KLF15: variants seen among roughly 807,000 people sequenced by gnomAD.
KLF15 encodes Krueppel-like factor 15.
Under a neutral mutation model 24.6 loss-of-function variants are expected in KLF15, and 4 were observed. That is an observed-to-expected ratio of 0.16 (90% CI 0.08 to 0.37). The LOEUF (loss-of-function observed/expected upper bound fraction) is 0.37, where lower values mean the gene tolerates loss of function less well. Ranked by LOEUF, KLF15 falls within the 10% of genes least tolerant of loss-of-function variation. The probability of loss-of-function intolerance (pLI) is 1.00; values close to 1 mark genes in which losing one functional copy is unlikely to be tolerated. For synonymous variants in KLF15, 246 were observed against 236.3 expected, an observed-to-expected ratio of 1.04 and a Z score of -0.37; for missense variants, 496 against 560.6, an observed-to-expected ratio of 0.88 and a Z score of 1.16.
chr3:126,292,380 C>T, the KLF15 span, among the ~76,000 whole-genome samples: 302 of 152,334 alleles, frequency 2.0e-3, no homozygotes, highest in African/African-American at 7.1e-3. Flanking sequence ...CCAGAAAACC[C>T]CTGGGCCATC....
the KLF15 span, among the ~76,000 whole-genome samples, chr3:126,294,864 TACACAC>T: frequency 0.13 from 17,916 of 141,878 alleles, 1,210 homozygotes; most frequent in Admixed American, 0.23. Context: ...TGCCCCTCCA[TACACAC>T]ACACACACAC....
chr3:126,294,744 G>C, the KLF15 span, among the ~76,000 whole-genome samples: 1 of 151,982 alleles, frequency 6.6e-6, no homozygotes. Flanking sequence ...AGAAAATCGG[G>C]TTCCTTCTTT....
At chr3:126,342,038 C>T (rs149283023), downstream of KLF15, among the ~76,000 whole-genome samples, 162 of 152,288 alleles carry the variant, frequency 1.1e-3, no homozygotes, top group African/African-American at 3.7e-3. Context: ...ATGGGTCCAA[C>T]CTCAACTGTG....
At chr3:126,345,974 A>T (rs2107552307) in intron 2 of KLF15, among the ~76,000 whole-genome samples, 1 of 152,326 alleles carries the variant, frequency 6.6e-6, no homozygotes, top group Non-Finnish European at 1.5e-5. Context: ...GTCACTGACA[A>T]GACAGGGCCC....
At chr3:126,319,543 AT>A in the KLF15 span, among the ~76,000 whole-genome samples, 1 of 152,204 alleles carries the variant, frequency 6.6e-6, no homozygotes, top group South Asian at 2.1e-4. Context: ...ATCTTTTCAT[AT>A]GCATATTTGC....
intron 2 of KLF15, 22 bp from the exon 3 acceptor site, chr3:126,343,917 GCGAGGCCTGGCCCTGC>G: frequency 6.4e-7 from 1 of 1,556,898 alleles, no homozygotes; most frequent in Non-Finnish European, 8.7e-7. Context: ...GGCGCGGTCA[GCGAGGCCTGGCCCTGC>G]CTGCCCCTGC....
chr3:126,307,557 T>G, the KLF15 span, among the ~76,000 whole-genome samples: 3 of 152,200 alleles, frequency 2.0e-5, no homozygotes, highest in Non-Finnish European at 4.4e-5. Flanking sequence ...CAGCCAGCGC[T>G]ACAGCACCTT....
Position 126,343,443 on chromosome 3 carries a change from A to G in KLF15, c.*284T>C, listed in dbSNP as rs1048074795. On this transcript the variant is annotated 3_prime_UTR_variant, in exon 3 of 3. Coordinates refer to ENST00000296233, the MANE Select transcript of KLF15 (RefSeq NM_014079.4). ...TCTGCCTGCAACCAGCGGCTGCAGC[A>G]GAGGCCTGGCCACCGCGGGAAGGCA... The G allele has an allele frequency of 2.3e-5, 9 of 391,006 alleles. No individual in the cohort carries two copies. Among genetic ancestry groups the G allele is most frequent in the East Asian group, 1.1e-4 (2 of 18,402 alleles). 24.2% of individuals were successfully genotyped at this position (391,006 alleles called of 1,614,324 possible). A position where few individuals can be genotyped will look rare whatever the true frequency, so the allele number is the denominator to read the frequency against.
chr3:126,344,429 G>T (rs55879799), intron 2 of KLF15, among the ~76,000 whole-genome samples: 13,006 of 152,292 alleles, frequency 0.085, 718 homozygotes, highest in Middle Eastern at 0.14. Flanking sequence ...GGCATTCTCT[G>T]TTGGGAACTG....
At chr3:126,313,307 G>A in the KLF15 span, among the ~76,000 whole-genome samples, 2 of 152,172 alleles carry the variant, frequency 1.3e-5, 1 homozygote, top group South Asian at 4.1e-4. Flanking sequence ...CCAGCCTCTG[G>A]AACTGTGGGG....
chr3:126,309,304 C>T, the KLF15 span, among the ~76,000 whole-genome samples: 1 of 152,240 alleles, frequency 6.6e-6, no homozygotes, highest in African/African-American at 2.4e-5. Context: ...GGCGAAGCCA[C>T]TTCTCCAGGT....
chr3:126,294,309 T>C, the KLF15 span, among the ~76,000 whole-genome samples: 1 of 152,172 alleles, frequency 6.6e-6, no homozygotes, highest in African/African-American at 2.4e-5. Flanking sequence ...AACCATTAAA[T>C]ATTCAAAGAG....
chr3:126,299,341 A>G, the KLF15 span, among the ~76,000 whole-genome samples: 1 of 152,276 alleles, frequency 6.6e-6, no homozygotes, highest in South Asian at 2.1e-4. Context: ...TGATTTATGT[A>G]CATTGATTTT....
chr3:126,297,455 ATT>A, the KLF15 span, among the ~76,000 whole-genome samples: 4 of 152,154 alleles, frequency 2.6e-5, no homozygotes, highest in Admixed American at 2.0e-4. Context: ...AATCCAGTAT[ATT>A]CTTTTTTTAT....
At chr3:126,346,490 C>T (rs1037524423) in intron 2 of KLF15, among the ~76,000 whole-genome samples, 1 of 152,194 alleles carries the variant, frequency 6.6e-6, no homozygotes, top group Non-Finnish European at 1.5e-5. Context: ...TTCATTCATC[C>T]AATGAAGACT....
Position 126,352,678 on chromosome 3 carries a change from G to A in KLF15, c.245C>T (p.Ser82Phe). 6.3e-6 allele frequency: 10 copies of A among 1,597,154 alleles called. No individual in the cohort carries two copies. The highest frequency in any genetic ancestry group is 8.5e-6 in the Non-Finnish European group (10 of 1,172,186). ...CCCGCCACTGCCCAGCGTGGCCTGG[G>A]ACAATAGGAAGTCCAAGATGCTGTC... ...SQDSILDFLL[S>F]QATLGSGGGS... The change falls in exon 2 of 3, where the codon TCC becomes TTC. Residue 82 changes from serine (S) to phenylalanine (F), a missense_variant. Ser to Phe is a radical substitution (Grantham distance 155). This residue lies in a region of KLF15 where 399 missense variants were observed against 423.1 expected (regional missense o/e 0.94). Coordinates refer to ENST00000296233, the MANE Select transcript of KLF15 (RefSeq NM_014079.4).
chr3:126,301,566 C>A, the KLF15 span, among the ~76,000 whole-genome samples: 1 of 151,862 alleles, frequency 6.6e-6, no homozygotes, highest in East Asian at 1.9e-4. Context: ...CACTTATTTC[C>A]AGTCTAATCT....
At chr3:126,301,348 G>A in the KLF15 span, among the ~76,000 whole-genome samples, 3 of 152,302 alleles carry the variant, frequency 2.0e-5, no homozygotes, top group Non-Finnish European at 4.4e-5. Flanking sequence ...AGGCTCTCCA[G>A]ATTGGACGGC....
At chr3:126,331,278 G>A in the KLF15 span, among the ~76,000 whole-genome samples, 1 of 152,158 alleles carries the variant, frequency 6.6e-6, no homozygotes, top group Non-Finnish European at 1.5e-5. Context: ...ATTGAACAGA[G>A]CACTCCAGTG....
Sources: gnomAD v4.1 joint callset for allele counts (sites outside exome capture counted in the v4.1 genomes callset) on GRCh38, gnomAD v4.1.1 for gene constraint, gnomAD v4.1.1 regional missense constraint, MANE v1.5 for transcripts, NCBI Gene and HGNC (gene_info 2026-07-23, HGNC 2026-07-21) for gene names.